CAB39: variants seen among roughly 807,000 people sequenced by gnomAD.
CAB39 encodes the protein calcium binding protein 39.
Under a neutral mutation model 40.0 loss-of-function variants are expected in CAB39, and 8 were observed. The ratio of observed to expected loss-of-function variants is 0.20; its 90% confidence interval spans 0.12 to 0.36. CAB39 has a LOEUF of 0.36. Ranked by LOEUF, CAB39 falls within the 10% of genes least tolerant of loss-of-function variation. CAB39 has a pLI of 1.00. For synonymous variants in CAB39, 156 were observed against 141.6 expected, an observed-to-expected ratio of 1.10 and a Z score of -0.72; for missense variants, 270 against 401.1, an observed-to-expected ratio of 0.67 and a Z score of 2.79.
At chr2:230,764,565 T>C (rs993442275) in intron 2 of CAB39, among the ~76,000 whole-genome samples, 4 of 152,178 alleles carry the variant, frequency 2.6e-5, no homozygotes, top group Non-Finnish European at 4.4e-5. Context: ...ATTATAAAAA[T>C]TAACATTTTT....
chr2:230,790,089 T>A (rs1695867648), intron 2 of CAB39, among the ~76,000 whole-genome samples: 1 of 152,064 alleles, frequency 6.6e-6, no homozygotes, highest in Admixed American at 6.5e-5. Context: ...CCTGGCATGG[T>A]GGCACACACC....
chr2:230,748,826 AAAAAAAT>A (rs1321330859), intron 1 of CAB39, among the ~76,000 whole-genome samples: 28 of 70,546 alleles, frequency 4.0e-4, no homozygotes, highest in African/African-American at 1.3e-3. Context: ...AAAAAAAAAA[AAAAAAAT>A]ATATATATAT....
chr2:230,811,494 T>C (rs892820266), intron 6 of CAB39, among the ~76,000 whole-genome samples: 1 of 152,188 alleles, frequency 6.6e-6, no homozygotes, highest in African/African-American at 2.4e-5. Flanking sequence ...AAAATGGCAG[T>C]TCTGTCATCA....
At chr2:230,807,983 A>AT (rs1187970372) in intron 5 of CAB39, among the ~76,000 whole-genome samples, 1 of 152,114 alleles carries the variant, frequency 6.6e-6, no homozygotes, top group African/African-American at 2.4e-5. Flanking sequence ...TGACACTTGA[A>AT]TTCCTAAGTT....
chr2:230,782,812 TC>T (rs1399274795), intron 2 of CAB39, among the ~76,000 whole-genome samples: 2,835 of 112,728 alleles, frequency 0.025, 83 homozygotes, highest in Non-Finnish European at 0.038. Context: ...TTTCTTTCTT[TC>T]TTTTTTTTTT....
chr2:230,801,173 AAGC>A (rs1380911981), intron 5 of CAB39, among the ~76,000 whole-genome samples: 2 of 152,180 alleles, frequency 1.3e-5, no homozygotes, highest in Admixed American at 1.3e-4. Context: ...AAACAAAATT[AAGC>A]AGAGTCTACA....
chr2:230,770,786 A>C (rs1416033568), intron 2 of CAB39, among the ~76,000 whole-genome samples: 1 of 152,228 alleles, frequency 6.6e-6, no homozygotes, highest in East Asian at 1.9e-4. Flanking sequence ...AATTCACTAT[A>C]TTGAAAAAGT....
At chr2:230,765,384 G>A (rs1187961461) in intron 2 of CAB39, among the ~76,000 whole-genome samples, 1 of 152,118 alleles carries the variant, frequency 6.6e-6, no homozygotes, top group South Asian at 2.1e-4. Context: ...GCAATACAGA[G>A]GGAGGAAGCA....
intron 2 of CAB39, among the ~76,000 whole-genome samples, chr2:230,768,911 T>A (rs762446346): frequency 3.3e-5 from 5 of 152,236 alleles, no homozygotes; most frequent in Non-Finnish European, 5.9e-5. Context: ...ACTGTATCAG[T>A]AATCACATTG....
At chr2:230,798,000 G>C (rs1221744474) in intron 4 of CAB39, among the ~76,000 whole-genome samples, 1 of 152,182 alleles carries the variant, frequency 6.6e-6, no homozygotes, top group Non-Finnish European at 1.5e-5. Context: ...AGTCCAGTCA[G>C]AGGGCTTGTG....
At chr2:230,730,436 A>G (rs1352987164) in intron 1 of CAB39, among the ~76,000 whole-genome samples, 1 of 131,452 alleles carries the variant, frequency 7.6e-6, no homozygotes, top group African/African-American at 3.1e-5. Context: ...ACATTAGAAG[A>G]AAACTTTTCT....
At chr2:230,817,406 T>G (rs554978730) in intron 7 of CAB39, among the ~76,000 whole-genome samples, 67 of 152,318 alleles carry the variant, frequency 4.4e-4, no homozygotes, top group Admixed American at 9.1e-4. Context: ...CAATAACTTT[T>G]GACCATTTTC....
chr2:230,714,249 C>T (rs1255936362), intron 1 of CAB39, among the ~76,000 whole-genome samples: 2 of 152,118 alleles, frequency 1.3e-5, no homozygotes, highest in African/African-American at 4.8e-5. Flanking sequence ...CTCAGTGACT[C>T]ATGAGCCCGG....
At chr2:230,739,619 C>G (rs1204292810) in intron 1 of CAB39, among the ~76,000 whole-genome samples, 1 of 152,196 alleles carries the variant, frequency 6.6e-6, no homozygotes, top group African/African-American at 2.4e-5. Flanking sequence ...TTCAGCCTCC[C>G]AAGTGGCTAG....
chr2:230,792,724 C>G (rs544136037), intron 3 of CAB39, among the ~76,000 whole-genome samples: 11 of 152,186 alleles, frequency 7.2e-5, no homozygotes, highest in Non-Finnish European at 1.5e-4. Context: ...GGTCTACTTT[C>G]CATTAAAGCC....
chr2:230,802,795 C>G (rs1434637099), intron 5 of CAB39, among the ~76,000 whole-genome samples: 5 of 152,152 alleles, frequency 3.3e-5, no homozygotes, highest in African/African-American at 1.2e-4. Flanking sequence ...AACTCCAGGA[C>G]CAGACGGATT....
At chr2:230,721,061 C>A (rs1249055895) in intron 1 of CAB39, among the ~76,000 whole-genome samples, 2 of 152,222 alleles carry the variant, frequency 1.3e-5, no homozygotes, top group African/African-American at 4.8e-5. Context: ...CTCCCCTCTT[C>A]CCCACCTCAT....
intron 1 of CAB39, among the ~76,000 whole-genome samples, chr2:230,747,007 G>A (rs1453005416): frequency 6.6e-6 from 1 of 152,170 alleles, no homozygotes; most frequent in Non-Finnish European, 1.5e-5. Flanking sequence ...CGGGTATAAG[G>A]AGGGTCTTAC....
chr2:230,798,510 G>A (rs1439516272), intron 4 of CAB39, among the ~76,000 whole-genome samples: 1 of 152,172 alleles, frequency 6.6e-6, no homozygotes, highest in Non-Finnish European at 1.5e-5. Context: ...TTTGGTTTAA[G>A]GCGGTCATCA....
Sources: allele counts gnomAD v4.1 joint callset (sites outside exome capture counted in the v4.1 genomes callset), GRCh38; gene constraint gnomAD v4.1.1; transcripts MANE v1.5; gene names NCBI Gene and HGNC (gene_info 2026-07-23, HGNC 2026-07-21).